The following ABCG1 variants were observed in gnomAD, a reference collection of about 807,000 sequenced individuals.
The protein encoded by ABCG1 is ATP binding cassette subfamily G member 1, also known as ATP-binding cassette sub-family G member 1.
ABCG1 carries 29 observed loss-of-function variants against 69.2 expected under a neutral mutation model. The observed-to-expected ratio is 0.42, with a 90% CI of 0.31 to 0.57. ABCG1 has a LOEUF of 0.57. ABCG1 is among the 20% of genes least tolerant of loss of function. The pLI is 0.15. For synonymous variants in ABCG1, 370 were observed against 374.8 expected (o/e 0.99, Z 0.15); for missense variants, 718 against 898.1 (o/e 0.80, Z 2.56).
rs746194754 is a variant in ABCG1 at position 42,205,018 on chromosome 21, GT to G, written c.48+3308del. On this transcript the variant is annotated intron_variant, in intron 2 of 15. Coordinates refer to the ABCG1 transcript ENST00000398457. The stretch of plus-strand genomic sequence containing the variant: ...TGGAGAATTAGGTGTTGTTTTTGTT[GT>G]TTTTTTTTTTTTGAGTTTTCAAAAC... Among the ~76,000 whole-genome samples the G allele has an allele frequency of 2.5e-3, 339 of 135,150 alleles. 2 individuals are homozygous for G. Among genetic ancestry groups the G allele is most frequent in the East Asian group, 0.021 (96 of 4,624 alleles). 88.7% of individuals were successfully genotyped at this position (135,150 alleles called of 152,430 possible).
At chr21:42,234,921 C>CGCGGCGGA (rs1337322857) in intron 2 of ABCG1, among the ~76,000 whole-genome samples, 1 of 151,890 alleles carries the variant, frequency 6.6e-6, no homozygotes, top group Non-Finnish European at 1.5e-5. Flanking sequence ...TAGTAACCTC[C>CGCGGCGGA]GCGGCGGAGC....
At chr21:42,207,385 A>C (rs548762049) in intron 2 of ABCG1, among the ~76,000 whole-genome samples, 1 of 152,270 alleles carries the variant, frequency 6.6e-6, no homozygotes, top group East Asian at 1.9e-4. Flanking sequence ...CTGAGTTTTT[A>C]ATATTGGTAA....
chr21:42,257,150 G>T (rs1422653681), intron 2 of ABCG1, among the ~76,000 whole-genome samples: 1 of 152,176 alleles, frequency 6.6e-6, no homozygotes, highest in Non-Finnish European at 1.5e-5. Flanking sequence ...CAAGGAACTT[G>T]CCCAAGGTCA....
chr21:42,225,548 C>G, intron 1 of ABCG1, 123 bp from the exon 2 acceptor site: 1 of 1,246,522 alleles, frequency 8.0e-7, no homozygotes. Flanking sequence ...CAAAGGTGCT[C>G]CTGCAGTGGA....
chr21:42,268,388 TGC>T (rs377669349), intron 2 of ABCG1, among the ~76,000 whole-genome samples: 9 of 110,098 alleles, frequency 8.2e-5, no homozygotes, highest in Admixed American at 1.8e-4. Flanking sequence ...TGTGTGTGTG[TGC>T]GCGCGCGCGC....
intron 2 of ABCG1, among the ~76,000 whole-genome samples, chr21:42,253,137 G>A (rs1051852573): frequency 2.0e-5 from 3 of 152,190 alleles, no homozygotes; most frequent in Admixed American, 2.0e-4. Context: ...GTGGGACAAA[G>A]GCTGTTCCCA....
chr21:42,218,385 C>T (rs2067666140), upstream of ABCG1, among the ~76,000 whole-genome samples: 1 of 151,168 alleles, frequency 6.6e-6, no homozygotes, highest in African/African-American at 2.5e-5. Flanking sequence ...CAGCCTGGGG[C>T]CACATGGGAG....
At chr21:42,268,379 G>GTGTA (rs2068553042) in intron 2 of ABCG1, among the ~76,000 whole-genome samples, 1 of 137,508 alleles carries the variant, frequency 7.3e-6, no homozygotes, top group African/African-American at 3.2e-5. Flanking sequence ...GTGTGTGTGT[G>GTGTA]TGTGTGTGTG....
At position 42,276,360 on chromosome 21, in the gene ABCG1, T is replaced by C. The variant is rs1263748934; in HGVS notation, c.538-535T>C. ...CCTCAGCAGTTTAACAGGCGGTTTG[T>C]GGAATTCCTAACTCGCACCACTGGT... On this transcript the variant is annotated intron_variant, in intron 4 of 14. Coordinates refer to ENST00000398449, the MANE Select transcript of ABCG1 (RefSeq NM_016818.3). This position sits in a 1 kb window ranked among gnomAD's most constrained non-coding sequence, Gnocchi z 5.3. 2 of 153,876 alleles carry C rather than the reference T, an allele frequency of 1.3e-5. No individual in the cohort carries two copies. Among genetic ancestry groups the C allele is most frequent in the Admixed American group, 1.3e-4 (2 of 15,672 alleles). The allele number at this position is 153,876 out of a possible 1,614,324, so 9.5% of individuals were successfully genotyped here.
chr21:42,264,603 G>A (rs1289278361), intron 2 of ABCG1, among the ~76,000 whole-genome samples: 3 of 152,142 alleles, frequency 2.0e-5, no homozygotes, highest in Admixed American at 6.5e-5. Flanking sequence ...GTTTAGAGAT[G>A]GAAAGGTGAG....
At chr21:42,214,559 G>A (rs746850621), upstream of ABCG1, among the ~76,000 whole-genome samples, 87 of 152,320 alleles carry the variant, frequency 5.7e-4, no homozygotes, top group Non-Finnish European at 8.2e-4. Context: ...GATGCGTCTC[G>A]AGCATGAGCA....
Position 42,296,674 on chromosome 21 carries a change from A to C in ABCG1, c.*282A>C, listed in dbSNP as rs1042090455. 1 of 425,058 alleles carries C rather than the reference A, an allele frequency of 2.4e-6. No homozygotes were observed. 26.3% of individuals were successfully genotyped at this position (425,058 alleles called of 1,614,324 possible). ...TTTTAAATACCACAACTGGGGCAGA[A>C]TTTAAAGCTGCAACACAGCTGGTGA... On this transcript the variant is annotated 3_prime_UTR_variant, in exon 15 of 15. Transcript: ENST00000398449. This position sits in a 1 kb window ranked among gnomAD's most constrained non-coding sequence, Gnocchi z 5.4.
chr21:42,286,840 C>T (rs902614455), intron 8 of ABCG1, among the ~76,000 whole-genome samples: 2 of 152,122 alleles, frequency 1.3e-5, no homozygotes. Context: ...GTCGTCTGAC[C>T]AGAGAGCGGG....
chr21:42,254,187 C>T (rs1010741515), intron 2 of ABCG1, among the ~76,000 whole-genome samples: 2 of 151,976 alleles, frequency 1.3e-5, no homozygotes, highest in African/African-American at 2.4e-5. Context: ...TGGCTGTGGC[C>T]GGGTGACCAT....
In ABCG1 at chr21:42,276,650, G is replaced by A; in HGVS notation, c.538-245G>A. 2.1e-6 allele frequency: 1 copy of A among 468,166 alleles called. No homozygotes were observed. Among genetic ancestry groups the A allele is most frequent in the Non-Finnish European group, 3.8e-6 (1 of 261,738 alleles). The allele number at this position is 468,166 out of a possible 1,614,324, so 29.0% of individuals were successfully genotyped here. On this transcript the variant is annotated intron_variant, in intron 4 of 14. Coordinates refer to ENST00000398449, the MANE Select transcript of ABCG1 (RefSeq NM_016818.3). This position sits in a 1 kb window ranked among gnomAD's most constrained non-coding sequence, Gnocchi z 5.3. The stretch of plus-strand genomic sequence containing the variant: ...GCTGCATGGTGGCTAGTTGCACCGT[G>A]GCTAGTGGCCTTATGCCTAGCTGCA...
intron 2 of ABCG1, among the ~76,000 whole-genome samples, chr21:42,235,505 A>G (rs1788227250): frequency 6.6e-6 from 1 of 152,246 alleles, no homozygotes; most frequent in Non-Finnish European, 1.5e-5. Context: ...GGTCGGGAAC[A>G]GCTTGGTTTC....
intron 2 of ABCG1, chr21:42,259,603 C>G: frequency 6.9e-7 from 1 of 1,446,604 alleles, no homozygotes; most frequent in Non-Finnish European, 9.1e-7. Context: ...TGGCCATTAC[C>G]TTGTTTCCTA....
In ABCG1 at chr21:42,287,856, G is replaced by T. The variant is rs375348980; in HGVS notation, c.974-33G>T. ...GGGTGGTTGGGGTGTCCTTCCTGGA[G>T]CCCGGGCTGACCCCCGTCTGTGTCT... On this transcript the variant is annotated intron_variant, in intron 8 of 14. Coordinates refer to ENST00000398449, the MANE Select transcript of ABCG1 (RefSeq NM_016818.3). This position sits in a 1 kb window ranked among gnomAD's most constrained non-coding sequence, Gnocchi z 6.2. 2.0e-6 allele frequency: 3 copies of T among 1,528,302 alleles called. No individual in the cohort carries two copies. Among genetic ancestry groups the T allele is most frequent in the Admixed American group, 2.1e-5 (1 of 46,816 alleles). The allele number at this position is 1,528,302 out of a possible 1,614,324, so 94.7% of individuals were successfully genotyped here.
At chr21:42,251,026 G>A (rs1315306108) in intron 2 of ABCG1, among the ~76,000 whole-genome samples, 1 of 124,262 alleles carries the variant, frequency 8.0e-6, no homozygotes, top group Non-Finnish European at 1.7e-5. Flanking sequence ...TCAGCGCCCA[G>A]CAGACATGAA....
Sources: allele counts gnomAD v4.1 joint callset (sites outside exome capture counted in the v4.1 genomes callset), GRCh38; gene constraint gnomAD v4.1.1; non-coding constraint Gnocchi (gnomAD v3.1); transcripts MANE v1.5; gene names NCBI Gene and HGNC (gene_info 2026-07-23, HGNC 2026-07-21).